The following ZBTB45 variants were observed in gnomAD, a reference collection of about 807,000 sequenced individuals.
ZBTB45 encodes zinc finger and BTB domain containing 45.
A neutral mutation model predicts 28.4 loss-of-function variants in ZBTB45; 22 were observed. The ratio of observed to expected loss-of-function variants is 0.77; its 90% CI spans 0.55 to 1.10. The LOEUF (loss-of-function observed/expected upper bound fraction) is 1.10, where lower values mean the gene tolerates loss of function less well. Among genes scored for constraint, ZBTB45 ranks in the 50% least tolerant of loss-of-function variants. The pLI is 0.00. For synonymous variants in ZBTB45, 361 were observed against 332.3 expected (o/e 1.09, Z -0.94); for missense variants, 656 against 750.2 (o/e 0.87, Z 1.47).
intron 1 of ZBTB45, among the ~76,000 whole-genome samples, chr19:58,534,333 T>C (rs1016031663): frequency 3.3e-5 from 5 of 152,158 alleles, no homozygotes; most frequent in African/African-American, 1.2e-4. Flanking sequence ...GAAATGCCAC[T>C]GAATGTACAC....
At chr19:58,522,502 G>T (rs1376751585), upstream of ZBTB45, among the ~76,000 whole-genome samples, 1 of 152,030 alleles carries the variant, frequency 6.6e-6, no homozygotes, top group East Asian at 2.0e-4. Context: ...GGGCGTGGTG[G>T]CGGGTGCCCA....
chr19:58,525,195 C>T (rs948580044), intron 1 of ZBTB45, among the ~76,000 whole-genome samples: 4 of 152,146 alleles, frequency 2.6e-5, no homozygotes, highest in African/African-American at 4.8e-5. Flanking sequence ...CATCCAGGCT[C>T]CCCCTCTTTG....
upstream of ZBTB45, among the ~76,000 whole-genome samples, chr19:58,522,550 G>A (rs972020148): frequency 2.0e-5 from 3 of 151,990 alleles, no homozygotes; most frequent in African/African-American, 2.4e-5. Flanking sequence ...CAGGAGAATC[G>A]CTTGAACCCG....
chr19:58,517,938 AG>A (rs2053535252), intron 1 of ZBTB45, among the ~76,000 whole-genome samples: 1 of 151,260 alleles, frequency 6.6e-6, no homozygotes, highest in Admixed American at 6.6e-5. Context: ...CACCCCTAGG[AG>A]AGGGTGTTGG....
chr19:58,521,434 G>C (rs1425552957), upstream of ZBTB45, among the ~76,000 whole-genome samples: 1 of 150,608 alleles, frequency 6.6e-6, no homozygotes, highest in East Asian at 1.9e-4. Flanking sequence ...CGTGGAGCTA[G>C]ATTCCGCCCA....
At position 58,517,305 on chromosome 19, in the gene ZBTB45, G is replaced by A. The variant is rs147719207; in HGVS notation, c.369C>T (p.Ala123=). 1.4e-3 allele frequency: 2,208 copies of A among 1,605,746 alleles called. 11 individuals carry two copies. Among genetic ancestry groups the A allele is most frequent in the Non-Finnish European group, 8.7e-4 (1,020 of 1,178,524 alleles). Residue 123 remains alanine (A), a synonymous_variant, in exon 2 of 3, where the codon GCC becomes GCT. Transcript: ENST00000594051. ...CAGAGGTGCCCGGGGCTCGAGCGCGGGCGATAATCTGCGTGCATTCGTCGA... is the reference window on the plus strand; with the variant it reads ...CAGAGGTGCCCGGGGCTCGAGCGCGAGCGATAATCTGCGTGCATTCGTCGA... ...TVIDECTQII[A]RARAPGTSAP...
chr19:58,514,964 T>G (rs191037407), intron 2 of ZBTB45, among the ~76,000 whole-genome samples: 53 of 152,210 alleles, frequency 3.5e-4, no homozygotes, highest in African/African-American at 1.3e-3. Context: ...TAGAGAGAGC[T>G]CCTCATTCTG....
At chr19:58,532,131 G>A (rs1376720695) in intron 1 of ZBTB45, among the ~76,000 whole-genome samples, 2 of 152,106 alleles carry the variant, frequency 1.3e-5, no homozygotes, top group Admixed American at 1.3e-4. Flanking sequence ...ATTTGTACAG[G>A]TCACAATGTG....
At position 58,516,337 on chromosome 19, in the gene ZBTB45, C is replaced by T. The variant is rs1388789395; in HGVS notation, c.1279+58G>A. On this transcript the variant is annotated intron_variant, in intron 2 of 2. Coordinates refer to ENST00000594051, the MANE Select transcript of ZBTB45 (RefSeq NM_001316979.2). This position sits in a 1 kb window ranked among gnomAD's most constrained non-coding sequence, Gnocchi z 6.2. The stretch of plus-strand genomic sequence containing the variant: ...GCCCTGTAACTAGTGCTCAATTCCC[C>T]CTCAGGTTTAACTCTCCGATGAGAG... The T allele has an allele frequency of 3.1e-6, 5 of 1,602,204 alleles. No individual in the cohort carries two copies. In the African/African-American group the frequency reaches 5.4e-5, roughly 17 times the overall value.
intron 1 of ZBTB45, among the ~76,000 whole-genome samples, chr19:58,532,194 T>C (rs1385175504): frequency 1.3e-5 from 2 of 152,150 alleles, no homozygotes; most frequent in African/African-American, 4.8e-5. Context: ...ATCTGTGAAA[T>C]TGGGACTGAA....
intron 2 of ZBTB45, 89 bp from the exon 3 acceptor site, chr19:58,514,399 C>T: frequency 7.1e-7 from 1 of 1,411,764 alleles, no homozygotes; most frequent in South Asian, 1.4e-5. Flanking sequence ...GGCTCCTGGA[C>T]CTAGCAGGGG....
At chr19:58,522,518 C>T (rs1405994164), upstream of ZBTB45, among the ~76,000 whole-genome samples, 1 of 151,942 alleles carries the variant, frequency 6.6e-6, no homozygotes, top group Non-Finnish European at 1.5e-5. Context: ...GCCCATAATC[C>T]CAGCTACTTG....
chr19:58,535,996 A>C (rs1484339763), intron 1 of ZBTB45, among the ~76,000 whole-genome samples: 1 of 152,178 alleles, frequency 6.6e-6, no homozygotes, highest in Non-Finnish European at 1.5e-5. Flanking sequence ...AGTTGAGGAC[A>C]ACAGGTCTCC....
intron 1 of ZBTB45, among the ~76,000 whole-genome samples, chr19:58,518,496 G>T (rs2053544299): frequency 6.6e-6 from 1 of 152,154 alleles, no homozygotes; most frequent in Non-Finnish European, 1.5e-5. Flanking sequence ...TGGGGCCTGT[G>T]GGGCCCAGGG....
chr19:58,535,521 G>A (rs1415360894), intron 1 of ZBTB45, among the ~76,000 whole-genome samples: 1 of 151,972 alleles, frequency 6.6e-6, no homozygotes, highest in Non-Finnish European at 1.5e-5. Context: ...TGTAATCCCA[G>A]CTACTCAGGA....
chr19:58,528,945 G>T (rs1247406390), intron 1 of ZBTB45, among the ~76,000 whole-genome samples: 1 of 151,930 alleles, frequency 6.6e-6, no homozygotes, highest in Admixed American at 6.6e-5. Context: ...TTAGCCAGGT[G>T]TGGTGGCGCA....
At chr19:58,530,411 G>A (rs921091825) in intron 1 of ZBTB45, among the ~76,000 whole-genome samples, 41 of 151,728 alleles carry the variant, frequency 2.7e-4, no homozygotes, top group Non-Finnish European at 4.4e-5. Context: ...GAGTTCAAGC[G>A]ATTCTCCTGC....
At chr19:58,537,923 T>C (rs1390508731) in intron 1 of ZBTB45, among the ~76,000 whole-genome samples, 1 of 151,862 alleles carries the variant, frequency 6.6e-6, no homozygotes, top group African/African-American at 2.4e-5. Context: ...CTGCAACTTC[T>C]GCCTCCCAGG....
chr19:58,522,402 T>C (rs1773584082), upstream of ZBTB45, among the ~76,000 whole-genome samples: 2 of 151,882 alleles, frequency 1.3e-5, no homozygotes, highest in South Asian at 4.2e-4. Flanking sequence ...CCTCAGGTGA[T>C]CTGCCTGCCT....
Sources: allele counts gnomAD v4.1 joint callset (sites outside exome capture counted in the v4.1 genomes callset), GRCh38; gene constraint gnomAD v4.1.1; non-coding constraint Gnocchi (gnomAD v3.1); transcripts MANE v1.5; gene names NCBI Gene and HGNC (gene_info 2026-07-23, HGNC 2026-07-21).